The following PTPRD variants were observed in gnomAD, a reference collection of about 807,000 sequenced individuals.
PTPRD encodes protein tyrosine phosphatase receptor type D.
PTPRD carries 34 observed loss-of-function variants against 214.5 expected under a neutral mutation model. The observed-to-expected ratio is 0.16, with a 90% CI of 0.12 to 0.21. The LOEUF (loss-of-function observed/expected upper bound fraction) is 0.21, where lower values mean the gene tolerates loss of function less well. PTPRD is among the 10% of genes least tolerant of loss of function. The probability of loss-of-function intolerance (pLI) is 1.00; values close to 1 mark genes in which losing one functional copy is unlikely to be tolerated. For synonymous variants in PTPRD, 1,128 were observed against 845.7 expected, an observed-to-expected ratio of 1.33 and a Z score of -5.79; for missense variants, 2,545 against 2,398.7, an observed-to-expected ratio of 1.06 and a Z score of -1.27.
chr9:10,388,526 C>T (rs141551719), intron 2 of PTPRD, among the ~76,000 whole-genome samples: 1 of 148,982 alleles, frequency 6.7e-6, no homozygotes, highest in African/African-American at 2.5e-5. Context: ...TCTTACTAAT[C>T]AGTACAACTA....
intron 37 of PTPRD, among the ~76,000 whole-genome samples, chr9:8,381,820 G>A (rs926566775): frequency 1.3e-5 from 2 of 152,118 alleles, no homozygotes; most frequent in Admixed American, 6.6e-5. Flanking sequence ...GGGAGCTGCC[G>A]TAAACTTTTC....
chr9:8,582,672 T>C (rs772461892), intron 14 of PTPRD, among the ~76,000 whole-genome samples: 1 of 152,120 alleles, frequency 6.6e-6, no homozygotes, highest in Non-Finnish European at 1.5e-5. Flanking sequence ...GAAAAACAAA[T>C]TTAACAATAA....
intron 2 of PTPRD, among the ~76,000 whole-genome samples, chr9:10,387,919 C>T (rs537332767): frequency 3.3e-4 from 49 of 148,468 alleles, no homozygotes; most frequent in Non-Finnish European, 6.2e-4. Context: ...CCTCGGCCTC[C>T]CAAAGTGCTG....
At chr9:9,536,531 C>T (rs144218792) in intron 8 of PTPRD, among the ~76,000 whole-genome samples, 170 of 152,084 alleles carry the variant, frequency 1.1e-3, no homozygotes, top group African/African-American at 3.8e-3. Context: ...TTTCAAATTA[C>T]GATCTGAAAT....
rs534901530 is a variant in PTPRD at position 9,959,511 on chromosome 9, A to G, written c.-471-20901T>C. Reference sequence around the variant, plus strand: ...TGTATAGACATTTAAAAAATTTAGCAGATTGGATGATCCTAGAAAAACTTC... The same window carrying G: ...TGTATAGACATTTAAAAAATTTAGCGGATTGGATGATCCTAGAAAAACTTC... On this transcript the variant is annotated intron_variant, in intron 4 of 45. Coordinates refer to ENST00000381196, the MANE Select transcript of PTPRD (RefSeq NM_002839.4). Among the ~76,000 whole-genome samples the G allele has an allele frequency of 7.9e-5, 12 of 152,322 alleles. No individual in the cohort carries two copies. The South Asian group carries it at 2.5e-3, about 32-fold the overall frequency.
intron 9 of PTPRD, among the ~76,000 whole-genome samples, chr9:9,269,663 C>A (rs1433790150): frequency 6.6e-6 from 1 of 151,248 alleles, no homozygotes; most frequent in Non-Finnish European, 1.5e-5. Context: ...TGTATGTAAA[C>A]ATTATTCAGC....
intron 3 of PTPRD, among the ~76,000 whole-genome samples, chr9:10,070,615 T>C (rs1175208930): frequency 1.3e-5 from 2 of 152,068 alleles, no homozygotes; most frequent in East Asian, 3.9e-4. Context: ...ATCACATTAC[T>C]ATATACTTCT....
intron 9 of PTPRD, among the ~76,000 whole-genome samples, chr9:9,360,881 A>T (rs2055860843): frequency 6.6e-6 from 1 of 151,074 alleles, no homozygotes; most frequent in Non-Finnish European, 1.5e-5. Flanking sequence ...ACTTGGTGAC[A>T]GGGAAATATA....
chr9:9,281,588 A>G (rs1471930178), intron 9 of PTPRD, among the ~76,000 whole-genome samples: 1 of 151,348 alleles, frequency 6.6e-6, no homozygotes, highest in African/African-American at 2.4e-5. Context: ...AATGCAAAAT[A>G]TTAACAACAC....
chr9:9,227,365 C>T (rs571881507), intron 9 of PTPRD, among the ~76,000 whole-genome samples: 1 of 152,116 alleles, frequency 6.6e-6, no homozygotes, highest in Admixed American at 6.6e-5. Context: ...TGTGAAATTA[C>T]AACCTCAGCC....
Position 9,612,316 on chromosome 9 carries a change from G to A in PTPRD, c.-286-37535C>T, listed in dbSNP as rs1413392056. Among the ~76,000 whole-genome samples the A allele has an allele frequency of 2.6e-5, 4 of 152,136 alleles. No individual in the cohort carries two copies. In the East Asian group the frequency reaches 7.7e-4, roughly 29 times the overall value. On this transcript the variant is annotated intron_variant, in intron 7 of 45. Transcript: ENST00000381196. The stretch of plus-strand genomic sequence containing the variant: ...AGTACAGCTTGTGAGTATGCTTACT[G>A]TTCACAGAAGCCCTCTGCCCTGCCA...
At chr9:10,345,512 G>A (rs546479699) in intron 2 of PTPRD, among the ~76,000 whole-genome samples, 15 of 151,294 alleles carry the variant, frequency 9.9e-5, no homozygotes, top group East Asian at 5.9e-4. Context: ...GAGAACATGC[G>A]GTGTTTGGTT....
intron 3 of PTPRD, among the ~76,000 whole-genome samples, chr9:10,167,224 G>C (rs572205633): frequency 6.6e-6 from 1 of 151,946 alleles, no homozygotes; most frequent in South Asian, 2.1e-4. Context: ...CTTGTAGAGA[G>C]TCTTCTCTAG....
At chr9:9,369,728 A>G (rs957423727) in intron 9 of PTPRD, among the ~76,000 whole-genome samples, 7 of 151,986 alleles carry the variant, frequency 4.6e-5, no homozygotes, top group East Asian at 1.9e-4. Flanking sequence ...TTCTTCTAGG[A>G]TTTTTATGGT....
intron 3 of PTPRD, among the ~76,000 whole-genome samples, chr9:10,308,215 T>A (rs2096147760): frequency 6.6e-6 from 1 of 152,072 alleles, no homozygotes; most frequent in African/African-American, 2.4e-5. Flanking sequence ...TTTAAGACCT[T>A]AATCTATTTT....
chr9:9,002,088 C>T (rs73640979), intron 11 of PTPRD, among the ~76,000 whole-genome samples: 1 of 151,712 alleles, frequency 6.6e-6, no homozygotes, highest in East Asian at 1.9e-4. Flanking sequence ...ATCATCGTAA[C>T]AAAAGATTTT....
At chr9:8,886,346 T>C (rs1415138284) in intron 11 of PTPRD, among the ~76,000 whole-genome samples, 1 of 152,214 alleles carries the variant, frequency 6.6e-6, no homozygotes. Flanking sequence ...CTAATGTCTG[T>C]GCACAGCATG....
chr9:9,208,975 T>C (rs918282598), intron 9 of PTPRD, among the ~76,000 whole-genome samples: 8 of 151,826 alleles, frequency 5.3e-5, no homozygotes, highest in African/African-American at 1.9e-4. Context: ...GCCTGGCTAA[T>C]TTTTTTGTGC....
chr9:8,883,668 CT>C (rs1196465050), intron 11 of PTPRD, among the ~76,000 whole-genome samples: 1 of 152,162 alleles, frequency 6.6e-6, no homozygotes, highest in African/African-American at 2.4e-5. Context: ...AAGCTTTCCT[CT>C]TTCTCCCCTG....
Sources: allele counts gnomAD v4.1 joint callset (sites outside exome capture counted in the v4.1 genomes callset), GRCh38; gene constraint gnomAD v4.1.1; transcripts MANE v1.5; gene names NCBI Gene and HGNC (gene_info 2026-07-23, HGNC 2026-07-21).